Variants in PRKG1 observed in about 807,000 individuals in gnomAD.
PRKG1 encodes protein kinase cGMP-dependent 1.
A neutral mutation model predicts 88.1 loss-of-function variants in PRKG1; 35 were observed. That is an observed-to-expected ratio of 0.40 (90% CI 0.30 to 0.53). The LOEUF is 0.53. Ranked by LOEUF, PRKG1 falls within the 20% of genes least tolerant of loss-of-function variation. The pLI, the probability that PRKG1 is intolerant of heterozygous loss-of-function variation, is 0.59. For missense variants in PRKG1, 540 were observed against 839.8 expected (o/e 0.64, Z 4.41); for synonymous variants, 303 against 292.5 (o/e 1.04, Z -0.37).
chr10:52,181,106 G>A (rs950308560), intron 9 of PRKG1, among the ~76,000 whole-genome samples: 1 of 152,140 alleles, frequency 6.6e-6, no homozygotes, highest in Non-Finnish European at 1.5e-5. Flanking sequence ...GTCCAACCTG[G>A]GGGCTTGTCT....
chr10:51,250,167 T>C (rs1159742877), intron 2 of PRKG1, among the ~76,000 whole-genome samples: 3 of 151,824 alleles, frequency 2.0e-5, no homozygotes, highest in Non-Finnish European at 4.4e-5. Context: ...AAGACCAATT[T>C]ATTCAGTATA....
intron 8 of PRKG1, among the ~76,000 whole-genome samples, chr10:52,155,594 C>T (rs1838069933): frequency 6.6e-6 from 1 of 151,850 alleles, no homozygotes; most frequent in Non-Finnish European, 1.5e-5. Flanking sequence ...ACAATTTCAA[C>T]TTTGAAATAA....
At chr10:51,638,849 A>G (rs1457966915) in intron 3 of PRKG1, among the ~76,000 whole-genome samples, 4 of 152,212 alleles carry the variant, frequency 2.6e-5, no homozygotes, top group Non-Finnish European at 5.9e-5. Flanking sequence ...ATTAAGGTTA[A>G]GAATAAAAAG....
chr10:51,667,521 G>C (rs1428045209), intron 3 of PRKG1, among the ~76,000 whole-genome samples: 1 of 152,126 alleles, frequency 6.6e-6, no homozygotes, highest in East Asian at 1.9e-4. Flanking sequence ...CACTCTTACT[G>C]AGGAAAAAAT....
intron 1 of PRKG1, among the ~76,000 whole-genome samples, chr10:51,064,826 G>A (rs1843730357): frequency 6.6e-6 from 1 of 151,898 alleles, no homozygotes; most frequent in African/African-American, 2.4e-5. Context: ...ATATTCAATT[G>A]ATTGTGATGT....
At chr10:50,993,854 G>T (rs775374338) in intron 1 of PRKG1, among the ~76,000 whole-genome samples, 9 of 152,190 alleles carry the variant, frequency 5.9e-5, no homozygotes, top group Non-Finnish European at 1.2e-4. Context: ...TATGTACTGG[G>T]AGGAAATGGC....
At chr10:51,961,416 T>A (rs1903960) in intron 5 of PRKG1, among the ~76,000 whole-genome samples, 2 of 152,090 alleles carry the variant, frequency 1.3e-5, no homozygotes, top group Non-Finnish European at 2.9e-5. Context: ...TAAGCAGACC[T>A]GCACAATTCA....
intron 5 of PRKG1, among the ~76,000 whole-genome samples, chr10:51,967,827 T>C (rs1445390692): frequency 1.3e-5 from 2 of 152,200 alleles, no homozygotes; most frequent in Non-Finnish European, 2.9e-5. Context: ...TTGCAGAATG[T>C]GCCTTCCATA....
At chr10:51,928,278 GA>G (rs1842620196) in intron 5 of PRKG1, among the ~76,000 whole-genome samples, 2 of 152,156 alleles carry the variant, frequency 1.3e-5, no homozygotes, top group Admixed American at 6.5e-5. Context: ...TCTATTTGAG[GA>G]AAAAGATATG....
intron 3 of PRKG1, among the ~76,000 whole-genome samples, chr10:51,693,133 C>T (rs1283641607): frequency 1.3e-5 from 2 of 151,616 alleles, no homozygotes; most frequent in Non-Finnish European, 2.9e-5. Flanking sequence ...ACTAAAACTA[C>T]AAAAATCAGC....
At chr10:51,074,416 T>C, upstream of PRKG1, 1 of 1,440,086 alleles carries the variant, frequency 6.9e-7, no homozygotes, top group Non-Finnish European at 9.2e-7. Context: ...AAACTCTGGG[T>C]GGCTGGAGCC....
At chr10:51,640,403 T>G (rs1027523096) in intron 3 of PRKG1, among the ~76,000 whole-genome samples, 2 of 152,214 alleles carry the variant, frequency 1.3e-5, no homozygotes, top group African/African-American at 4.8e-5. Context: ...AAATTGGTTT[T>G]TCAATTTCGA....
chr10:51,714,339 T>C (rs1190175521), intron 3 of PRKG1, among the ~76,000 whole-genome samples: 2 of 152,116 alleles, frequency 1.3e-5, no homozygotes, highest in Non-Finnish European at 2.9e-5. Flanking sequence ...TAGTTCTCTT[T>C]GTAGAGAGGG....
intron 9 of PRKG1, among the ~76,000 whole-genome samples, chr10:52,239,791 G>A (rs756523049): frequency 2.5e-4 from 38 of 152,056 alleles, no homozygotes; most frequent in Non-Finnish European, 4.0e-4. Flanking sequence ...ACGAGTGATG[G>A]ATATGCTCAG....
chr10:51,295,741 C>T (rs1282681854), intron 2 of PRKG1, among the ~76,000 whole-genome samples: 1 of 152,052 alleles, frequency 6.6e-6, no homozygotes, highest in Non-Finnish European at 1.5e-5. Context: ...AATGGACATC[C>T]ATATCTTATA....
intron 3 of PRKG1, among the ~76,000 whole-genome samples, chr10:51,772,042 T>G (rs936656424): frequency 4.3e-4 from 66 of 152,166 alleles, no homozygotes; most frequent in African/African-American, 1.5e-3. Flanking sequence ...CAAAAAAGTT[T>G]CAAATATTGA....
At chr10:52,198,647 C>T (rs1839574258) in intron 9 of PRKG1, among the ~76,000 whole-genome samples, 1 of 152,044 alleles carries the variant, frequency 6.6e-6, no homozygotes, top group Non-Finnish European at 1.5e-5. Context: ...TCCTACATTC[C>T]TGTCACAGGG....
chr10:51,538,449 A>G (rs985204059), intron 3 of PRKG1, among the ~76,000 whole-genome samples: 7 of 70,008 alleles, frequency 1.0e-4, no homozygotes, highest in African/African-American at 2.7e-4. Context: ...AATGTATTAT[A>G]TATTATATAA....
chr10:51,662,499 ATT>A (rs1840324530), intron 3 of PRKG1, among the ~76,000 whole-genome samples: 2 of 152,148 alleles, frequency 1.3e-5, no homozygotes, highest in Admixed American at 1.3e-4. Context: ...AAGACTTAGA[ATT>A]GTGGTTCAAG....
Sources: allele counts gnomAD v4.1 joint callset (sites outside exome capture counted in the v4.1 genomes callset), GRCh38; gene constraint gnomAD v4.1.1; transcripts MANE v1.5; gene names NCBI Gene and HGNC (gene_info 2026-07-23, HGNC 2026-07-21).